RPN2: variants seen among roughly 807,000 people sequenced by gnomAD.
The protein encoded by RPN2 is ribophorin II.
Under a neutral mutation model 71.4 loss-of-function variants are expected in RPN2, and 29 were observed. That is an observed-to-expected ratio of 0.41 (90% confidence interval 0.30 to 0.55). The LOEUF is 0.55. RPN2 is among the 20% of genes least tolerant of loss of function. RPN2 has a pLI of 0.35. For missense variants in RPN2, 726 were observed against 774.1 expected, an observed-to-expected ratio of 0.94 and a Z score of 0.74; for synonymous variants, 308 against 305.0, an observed-to-expected ratio of 1.01 and a Z score of -0.10.
intron 13 of RPN2, among the ~76,000 whole-genome samples, chr20:37,230,820 T>A (rs1051945860): frequency 6.6e-6 from 1 of 152,050 alleles, no homozygotes; most frequent in Non-Finnish European, 1.5e-5. Flanking sequence ...TATTTAAGAA[T>A]GTAAAATGCA....
Position 37,207,378 on chromosome 20 carries a change from C to G in RPN2, c.796C>G (p.Arg266Gly). The G allele has an allele frequency of 3.1e-6, 5 of 1,614,106 alleles. No homozygotes were observed. Among genetic ancestry groups the G allele is most frequent in the African/African-American group, 1.3e-5 (1 of 75,060 alleles). ...ASAAAVLSHN[R>G]YHVPVVVVPE... Reference sequence around the variant, plus strand: ...TGCAGCTGCTGTGCTCTCGCATAATCGCTACCACGTGCCAGTTGTGGTTGT... The same window carrying G: ...TGCAGCTGCTGTGCTCTCGCATAATGGCTACCACGTGCCAGTTGTGGTTGT... Residue 266 changes from arginine to glycine, a missense_variant, in exon 7 of 17, where the codon CGC becomes GGC. Transcript: ENST00000237530.
At chr20:37,201,316 G>C (rs78102280) in intron 4 of RPN2, among the ~76,000 whole-genome samples, 424 of 120,830 alleles carry the variant, frequency 3.5e-3, no homozygotes, top group Non-Finnish European at 5.2e-3. Context: ...GGGTCTCACT[G>C]TGTCATCTAG....
At chr20:37,216,526 A>G (rs1472969926) in intron 9 of RPN2, among the ~76,000 whole-genome samples, 1 of 151,858 alleles carries the variant, frequency 6.6e-6, no homozygotes, top group African/African-American at 2.4e-5. Flanking sequence ...TAGTGGTGCC[A>G]TCTTGGCTCA....
At chr20:37,218,514 C>T (rs1197124275) in intron 9 of RPN2, among the ~76,000 whole-genome samples, 3 of 151,454 alleles carry the variant, frequency 2.0e-5, no homozygotes, top group Admixed American at 1.3e-4. Flanking sequence ...TCGAGACCAG[C>T]CTGGTCAGCA....
chr20:37,238,405 C>T (rs1193737204), intron 16 of RPN2: 13 of 1,608,222 alleles, frequency 8.1e-6, no homozygotes, highest in Middle Eastern at 1.6e-4. Flanking sequence ...TTGGCAGGAT[C>T]GCTGCAGAGC....
At chr20:37,188,960 G>A (rs1323619897) in intron 2 of RPN2, among the ~76,000 whole-genome samples, 1 of 151,146 alleles carries the variant, frequency 6.6e-6, no homozygotes, top group Non-Finnish European at 1.5e-5. Context: ...GTTTGACATG[G>A]AGTCTTACTG....
intron 9 of RPN2, among the ~76,000 whole-genome samples, chr20:37,217,490 A>C (rs2067840736): frequency 3.3e-5 from 5 of 151,278 alleles, no homozygotes; most frequent in African/African-American, 9.7e-5. Flanking sequence ...ACGGGGTTTC[A>C]CTATGTTGGC....
chr20:37,212,624 C>T (rs566271601), intron 8 of RPN2, among the ~76,000 whole-genome samples: 8 of 151,986 alleles, frequency 5.3e-5, no homozygotes, highest in African/African-American at 1.9e-4. Flanking sequence ...ATTACAGGCA[C>T]CCGCCACCAT....
intron 6 of RPN2, 58 bp downstream of exon 6, chr20:37,204,959 TA>T: frequency 2.9e-5 from 47 of 1,612,326 alleles, no homozygotes; most frequent in Non-Finnish European, 3.9e-5. Flanking sequence ...CTGTATCTGC[TA>T]AGGATGGCTT....
intron 16 of RPN2, among the ~76,000 whole-genome samples, chr20:37,237,223 C>T (rs1022977172): frequency 9.9e-5 from 15 of 152,160 alleles, no homozygotes; most frequent in South Asian, 8.3e-4. Context: ...ACCATCTCCC[C>T]GGGACCCAGA....
intron 11 of RPN2, among the ~76,000 whole-genome samples, chr20:37,226,324 A>T (rs1015218532): frequency 1.3e-5 from 2 of 152,154 alleles, no homozygotes; most frequent in Admixed American, 1.3e-4. Context: ...CGCCTGCCTC[A>T]GCCTCCCAAA....
chr20:37,213,072 T>A (rs532717342), intron 8 of RPN2, among the ~76,000 whole-genome samples: 1 of 152,210 alleles, frequency 6.6e-6, no homozygotes, highest in Admixed American at 6.5e-5. Flanking sequence ...AAGGTAGAAA[T>A]CATACCAAAA....
At chr20:37,238,018 C>T (rs907571178) in intron 16 of RPN2, among the ~76,000 whole-genome samples, 1 of 151,956 alleles carries the variant, frequency 6.6e-6, no homozygotes, top group African/African-American at 2.4e-5. Context: ...ATAGTGAGAC[C>T]TCGTCTCTCA....
At chr20:37,238,471 A>T (rs1345503324) in intron 16 of RPN2, 5 of 1,578,498 alleles carry the variant, frequency 3.2e-6, no homozygotes, top group Non-Finnish European at 4.3e-6. Context: ...GGGCGGACTC[A>T]TCCCAGAAGC....
chr20:37,179,731 C>A, intron 1 of RPN2: 1 of 228,218 alleles, frequency 4.4e-6, no homozygotes, highest in Non-Finnish European at 8.6e-6. Flanking sequence ...CCCCTTACTC[C>A]GTGTGAGGTT....
rs1040290519 is a variant in RPN2, at chr20:37,228,496, C to T, written c.1300-54C>T. On this transcript the variant is annotated intron_variant, in intron 11 of 16. Transcript: ENST00000237530. ...CTGCCCGGTGGATTCAATGTTAGGC[C>T]CAGGGAGAATCTTGAAATTATCAGA... 3.9e-6 allele frequency: 6 copies of T among 1,549,954 alleles called. No individual in the cohort carries two copies. In the African/African-American group the frequency reaches 6.8e-5, roughly 18 times the overall value.
Position 37,225,701 on chromosome 20 carries a change from G to A in RPN2, c.1198G>A (p.Ala400Thr). The change falls in exon 11 of 17, where the codon GCC becomes ACC. Residue 400 changes from alanine (A) to threonine (T), a missense_variant. Coordinates refer to ENST00000237530, the MANE Select transcript of RPN2 (RefSeq NM_002951.5). ...TGCCTCTTTCAGGGTGACATACCCA[G>A]CCAAAGCCAAGGGCACATTCATCGC... ...APKTTRVTYP[A>T]KAKGTFIADS... 3 of 1,613,828 alleles carry A rather than the reference G, an allele frequency of 1.9e-6. No individual in the cohort carries two copies. The highest frequency in any genetic ancestry group is 2.5e-6 in the Non-Finnish European group (3 of 1,179,720).
At chr20:37,208,352 G>A (rs1462848984) in intron 7 of RPN2, among the ~76,000 whole-genome samples, 1 of 151,186 alleles carries the variant, frequency 6.6e-6, no homozygotes, top group African/African-American at 2.4e-5. Flanking sequence ...GTATAGAGAA[G>A]TCTTGCATCT....
chr20:37,226,154 A>G (rs1414276751), intron 11 of RPN2, among the ~76,000 whole-genome samples: 1 of 151,904 alleles, frequency 6.6e-6, no homozygotes, highest in Non-Finnish European at 1.5e-5. Flanking sequence ...GCTCACTGCA[A>G]CCTCTGCCTC....
Sources: allele counts gnomAD v4.1 joint callset (sites outside exome capture counted in the v4.1 genomes callset), GRCh38; gene constraint gnomAD v4.1.1; transcripts MANE v1.5; gene names NCBI Gene and HGNC (gene_info 2026-07-23, HGNC 2026-07-21).